LIMCH1: variants seen among roughly 807,000 people sequenced by gnomAD.
The protein encoded by LIMCH1 is LIM and calponin homology domains-containing protein 1.
LIMCH1 carries 113 observed loss-of-function variants against 176.5 expected under a neutral mutation model. The observed-to-expected ratio is 0.64, with a 90% CI of 0.55 to 0.75. LIMCH1 has a LOEUF of 0.75. LIMCH1 is among the 30% of genes least tolerant of loss of function. LIMCH1 has a pLI of 0.00. For synonymous variants in LIMCH1, 619 were observed against 645.9 expected, an observed-to-expected ratio of 0.96 and a Z score of 0.63; for missense variants, 1,674 against 1,814.9, an observed-to-expected ratio of 0.92 and a Z score of 1.41.
At chr4:41,451,924 T>G (rs1483665806) in intron 1 of LIMCH1, among the ~76,000 whole-genome samples, 1 of 152,218 alleles carries the variant, frequency 6.6e-6, no homozygotes, top group Non-Finnish European at 1.5e-5. Flanking sequence ...CTGGGAAGCC[T>G]CTGCCAGTTG....
rs1725956016 is a variant in LIMCH1, at chr4:41,691,679, C to T, written c.4276-603C>T. Among the ~76,000 whole-genome samples the T allele has an allele frequency of 1.3e-5, 2 of 151,404 alleles. 1 individual carries two copies. Among genetic ancestry groups the T allele is most frequent in the Admixed American group, 1.3e-4 (2 of 15,220 alleles). On this transcript the variant is annotated intron_variant, in intron 30 of 31. Transcript: ENST00000503057. The stretch of plus-strand genomic sequence containing the variant: ...TCAGGAGGCTGAGGCAGGAGAATTG[C>T]TTGAGCCCAGGAAGTGGAGGTTGCA...
chr4:41,584,008 G>A (rs1027500704), intron 1 of LIMCH1, among the ~76,000 whole-genome samples: 2 of 152,010 alleles, frequency 1.3e-5, no homozygotes, highest in Non-Finnish European at 2.9e-5. Flanking sequence ...AAATATGATA[G>A]GGATAATGGT....
chr4:41,514,516 G>T (rs557466191), intron 2 of LIMCH1, among the ~76,000 whole-genome samples: 2 of 152,172 alleles, frequency 1.3e-5, no homozygotes, highest in Admixed American at 6.5e-5. Context: ...AGGGACAAAG[G>T]CTAGGACAAG....
intron 1 of LIMCH1, among the ~76,000 whole-genome samples, chr4:41,426,536 C>A (rs566899202): frequency 8.2e-4 from 125 of 152,332 alleles, no homozygotes; most frequent in African/African-American, 2.9e-3. Context: ...TCAGATAACT[C>A]AGTCCTTTGA....
rs535356185 is a variant in LIMCH1, at chr4:41,468,667, G to A, written c.97-25869G>A. 6.6e-5 allele frequency among the ~76,000 whole-genome samples: 10 copies of A among 152,000 alleles called. No individual in the cohort carries two copies. In the South Asian group the frequency reaches 2.1e-3, roughly 32 times the overall value. ...AACACATTACCAATTAGCTTCAAGAGTTTTGGGTAAGGCATGTAGTCCTGC... is the reference window on the plus strand; with the variant it reads ...AACACATTACCAATTAGCTTCAAGAATTTTGGGTAAGGCATGTAGTCCTGC... On this transcript the variant is annotated intron_variant, in intron 1 of 26. Transcript: ENST00000313860.
At chr4:41,540,176 A>T (rs2078434178) in intron 1 of LIMCH1, among the ~76,000 whole-genome samples, 1 of 152,162 alleles carries the variant, frequency 6.6e-6, no homozygotes, top group Admixed American at 6.5e-5. Context: ...TAACTACCTT[A>T]TGTGGTTTTC....
chr4:41,613,003 C>T, intron 4 of LIMCH1: 2 of 1,551,378 alleles, frequency 1.3e-6, no homozygotes, highest in Non-Finnish European at 8.7e-7. Flanking sequence ...CCTGTATTTG[C>T]CAGATAGTAT....
intron 1 of LIMCH1, among the ~76,000 whole-genome samples, chr4:41,427,513 T>A (rs2061225508): frequency 6.6e-6 from 1 of 152,214 alleles, no homozygotes; most frequent in South Asian, 2.1e-4. Flanking sequence ...TTCCGAGCAG[T>A]GACCTCCGCT....
chr4:41,379,566 A>G (rs1161541798), intron 1 of LIMCH1, among the ~76,000 whole-genome samples: 1 of 152,216 alleles, frequency 6.6e-6, no homozygotes, highest in East Asian at 1.9e-4. Context: ...AAGGAGGAGT[A>G]TCAAAGAATC....
chr4:41,456,355 G>T (rs762497169), intron 1 of LIMCH1, among the ~76,000 whole-genome samples: 14 of 152,044 alleles, frequency 9.2e-5, no homozygotes, highest in Non-Finnish European at 1.8e-4. Flanking sequence ...GGGTGTGTGC[G>T]TGTGCATGTG....
At chr4:41,451,625 A>G (rs13113531) in intron 1 of LIMCH1, among the ~76,000 whole-genome samples, 1 of 152,124 alleles carries the variant, frequency 6.6e-6, no homozygotes, top group African/African-American at 2.4e-5. Flanking sequence ...AACACTCAAC[A>G]TTGCGTCTTT....
rs539476346 is a variant in LIMCH1 at position 41,547,866 on chromosome 4, T to C, written c.-241+9516T>C. On this transcript the variant is annotated intron_variant, in intron 1 of 31. Transcript: ENST00000503057. ...ATGATATATAATTTGTGTGTGTGTA[T>C]ATATATATATATATATATATATATA... Among the ~76,000 whole-genome samples, 62 of 97,166 alleles carry C rather than the reference T, an allele frequency of 6.4e-4. No individual in the cohort carries two copies. The East Asian group carries it at 0.012, about 19-fold the overall frequency. The allele number at this position is 97,166 out of a possible 152,430, so 63.7% of individuals were successfully genotyped here. A position where few individuals can be genotyped will look rare whatever the true frequency, so the allele number is the denominator to read the frequency against.
At position 41,360,904 on chromosome 4, in the gene LIMCH1, C is replaced by T. The variant is rs776375517; in HGVS notation, c.64C>T (p.Pro22Ser). Residue 22 changes from proline (P) to serine (S), a missense_variant, in exon 1 of 27, where the codon CCC becomes TCC. Physicochemically the swap from Pro to Ser is moderately conservative, Grantham distance 74 (BLOSUM62 -1). Transcript: ENST00000313860. This position sits in a 1 kb window ranked among gnomAD's most constrained non-coding sequence, Gnocchi z 4.5. ...CCTGCAGCCCGAGCCGCCCCCCGAG[C>T]CCGCCTTCTCCGAGGCGCAGAAGTG... The T allele has an allele frequency of 9.4e-6, 15 of 1,588,346 alleles. No individual in the cohort carries two copies. Among genetic ancestry groups the T allele is most frequent in the Admixed American group, 7.2e-5 (4 of 55,650 alleles).
upstream of LIMCH1, among the ~76,000 whole-genome samples, chr4:41,538,000 G>A (rs1342774313): frequency 3.9e-5 from 6 of 152,180 alleles, no homozygotes; most frequent in Non-Finnish European, 8.8e-5. Context: ...AACCTACTGT[G>A]TGCTAGTGGC....
At chr4:41,605,796 T>A (rs2090622581) in intron 3 of LIMCH1, 98 bp from the exon 4 acceptor site, 1 of 679,106 alleles carries the variant, frequency 1.5e-6, no homozygotes, top group African/African-American at 1.8e-5. Flanking sequence ...AAATCAGCTC[T>A]TTCCTTCCTG....
At chr4:41,578,056 T>G (rs1400524947) in intron 1 of LIMCH1, among the ~76,000 whole-genome samples, 1 of 152,204 alleles carries the variant, frequency 6.6e-6, no homozygotes, top group African/African-American at 2.4e-5. Flanking sequence ...ATCCTAAGGC[T>G]TTTGGCACCC....
At chr4:41,586,669 T>C (rs2086534468) in intron 1 of LIMCH1, among the ~76,000 whole-genome samples, 1 of 152,154 alleles carries the variant, frequency 6.6e-6, no homozygotes. Flanking sequence ...AATGCATATG[T>C]TGGGTTTTAG....
chr4:41,612,928 CAGG>C, intron 4 of LIMCH1: 1 of 1,480,272 alleles, frequency 6.8e-7, no homozygotes, highest in Non-Finnish European at 9.0e-7. Context: ...TTCAAGGTAG[CAGG>C]AGATGAACGC....
chr4:41,578,263 G>A (rs1373323070), intron 1 of LIMCH1, among the ~76,000 whole-genome samples: 1 of 152,118 alleles, frequency 6.6e-6, no homozygotes, highest in Non-Finnish European at 1.5e-5. Flanking sequence ...AGAGAAGGGG[G>A]AAGCACCAGA....
Sources: gnomAD v4.1 joint callset for allele counts (sites outside exome capture counted in the v4.1 genomes callset) on GRCh38, gnomAD v4.1.1 for gene constraint, Gnocchi (gnomAD v3.1) non-coding constraint, MANE v1.5 for transcripts, NCBI Gene and HGNC (gene_info 2026-07-23, HGNC 2026-07-21) for gene names.